GABRA4: variants seen among roughly 807,000 people sequenced by gnomAD.
GABRA4 encodes the protein gamma-aminobutyric acid receptor subunit alpha-4.
GABRA4 carries 12 observed loss-of-function variants against 49.7 expected under a neutral mutation model. The ratio of observed to expected loss-of-function variants is 0.24; its 90% confidence interval spans 0.15 to 0.39. GABRA4 has a LOEUF of 0.39. Ranked by LOEUF, GABRA4 falls within the 10% of genes least tolerant of loss-of-function variation. GABRA4 has a pLI of 1.00. For synonymous variants in GABRA4, 288 were observed against 240.2 expected (o/e 1.20, Z -1.84); for missense variants, 506 against 686.0 (o/e 0.74, Z 2.93).
Position 46,992,889 on chromosome 4 carries a change from G to A in GABRA4, c.144C>T (p.Phe48=), listed in dbSNP as rs1560487531. 6.2e-7 allele frequency: 1 copy of A among 1,610,542 alleles called. No individual in the cohort carries two copies. Among genetic ancestry groups the A allele is most frequent in the East Asian group, 2.2e-5 (1 of 44,572 alleles). ...QKEEKLCTEN[F]TRILDSLLDG... ...CGAGCAAACTGTCCAGGATGCGGGT[G>A]AAATTTTCTGTGCACAATTTCTCCT... is the stretch of plus-strand genomic sequence containing the variant. The change falls in exon 2 of 9, where the codon TTC becomes TTT. Residue 48 remains phenylalanine, a synonymous_variant. Coordinates refer to ENST00000264318, the MANE Select transcript of GABRA4 (RefSeq NM_000809.4).
At chr4:46,975,129 C>G (rs1292180629) in intron 5 of GABRA4, among the ~76,000 whole-genome samples, 6 of 151,994 alleles carry the variant, frequency 3.9e-5, no homozygotes, top group African/African-American at 1.4e-4. Context: ...CTACCCATAA[C>G]AGACAGCTTG....
chr4:46,973,855 A>G (rs994299690), intron 6 of GABRA4, among the ~76,000 whole-genome samples: 1 of 151,838 alleles, frequency 6.6e-6, no homozygotes. Context: ...ATTGGGCAAG[A>G]TAAAGGAAAA....
At chr4:46,956,285 T>C (rs926407337) in intron 8 of GABRA4, among the ~76,000 whole-genome samples, 4 of 152,084 alleles carry the variant, frequency 2.6e-5, no homozygotes, top group Non-Finnish European at 4.4e-5. Flanking sequence ...TACTGCCTCA[T>C]GTCCCTTTTC....
chr4:46,950,910 G>T (rs1577761616), intron 8 of GABRA4, among the ~76,000 whole-genome samples: 1 of 151,806 alleles, frequency 6.6e-6, no homozygotes, highest in African/African-American at 2.4e-5. Context: ...TAGAGCAGGC[G>T]AGTATTAGAT....
chr4:46,938,460 G>A (rs1057093539), intron 8 of GABRA4, among the ~76,000 whole-genome samples: 2 of 151,982 alleles, frequency 1.3e-5, no homozygotes, highest in Non-Finnish European at 2.9e-5. Context: ...TTATCAAGGT[G>A]GGATTTTCAG....
Position 46,976,873 on chromosome 4 carries a change from G to A in GABRA4, c.577+188C>T, listed in dbSNP as rs190389279. On this transcript the variant is annotated intron_variant, in intron 5 of 8. Transcript: ENST00000264318. ...TATAAATAGGTTTTTGTTTGTTGTG[G>A]GGAAAGGAGGTTGTTTTTATTTCTT... Among the ~76,000 whole-genome samples, 568 of 151,904 alleles carry A rather than the reference G, an allele frequency of 3.7e-3. 2 individuals are homozygous for A. The highest frequency in any genetic ancestry group is 0.013 in the African/African-American group (551 of 41,468).
In GABRA4 at chr4:46,971,597, C is replaced by T. The variant is rs149686461; in HGVS notation, c.722-362G>A. Among the ~76,000 whole-genome samples, 437 of 151,082 alleles carry T rather than the reference C, an allele frequency of 2.9e-3. 1 individual carries two copies. Among genetic ancestry groups the T allele is most frequent in the Non-Finnish European group, 4.0e-3 (268 of 67,492 alleles). ...TTTAGACCTATCTTCTATGAAAAAC[C>T]ACTAGAAAAAAATAGAAATGCACAC... On this transcript the variant is annotated intron_variant, in intron 6 of 8. Transcript: ENST00000264318.
At chr4:46,971,053 A>C in intron 7 of GABRA4, 30 bp downstream of exon 7, 1 of 1,593,302 alleles carries the variant, frequency 6.3e-7, no homozygotes. Context: ...TAATGTGAAC[A>C]AAAACGCCCA....
chr4:46,978,687 C>CAAAAAAAAAAAAAAAAAAA (rs71193889), intron 3 of GABRA4, among the ~76,000 whole-genome samples: 55 of 21,602 alleles, frequency 2.5e-3, no homozygotes, highest in African/African-American at 2.9e-3. Context: ...AACTTCATCT[C>CAAAAAAAAAAAAAAAAAAA]AAAAAAAAAA....
intron 4 of GABRA4, 85 bp downstream of exon 4, chr4:46,977,325 G>GGAGA (rs1723176235): frequency 1.3e-6 from 1 of 748,972 alleles, no homozygotes; most frequent in Non-Finnish European, 2.1e-6. Flanking sequence ...AGGAAGGGAG[G>GGAGA]GAGGAAGGAA....
At chr4:46,979,369 A>G (rs1358436568) in intron 2 of GABRA4, among the ~76,000 whole-genome samples, 2 of 152,078 alleles carry the variant, frequency 1.3e-5, no homozygotes, top group Non-Finnish European at 2.9e-5. Flanking sequence ...GGGTACTGTT[A>G]CAACAGGCAA....
chr4:46,919,025 T>C lies in GABRA4; in HGVS notation c.*9200A>G, dbSNP rs1396862686. On this transcript the variant is annotated 3_prime_UTR_variant, in exon 9 of 9. Transcript: ENST00000264318. ...ACACATTTATCTTAAAATATAAGTATCTGTGATTAAATTTTATAGAAATTT... is the reference window on the plus strand; with the variant it reads ...ACACATTTATCTTAAAATATAAGTACCTGTGATTAAATTTTATAGAAATTT... 6.6e-6 allele frequency: 1 copy of C among 151,670 alleles called. No individual in the cohort carries two copies. The highest frequency in any genetic ancestry group is 1.5e-5 in the Non-Finnish European group (1 of 67,634). 9.4% of individuals were successfully genotyped at this position (151,670 alleles called of 1,614,324 possible). A position where few individuals can be genotyped will look rare whatever the true frequency, so the allele number is the denominator to read the frequency against.
rs768906381 is a variant in GABRA4 at position 46,928,456 on chromosome 4, C to A, written c.1434G>T (p.Val478=). Residue 478 remains valine, a synonymous_variant, in exon 9 of 9, where the codon GTG becomes GTT. Transcript: ENST00000264318. ...ASVGSASTRH[V]FGSRLQRIKT... ...TTATCCTCTGCAGTCTTGATCCAAA[C>A]ACGTGACGAGTAGAAGCAGATCCAA... 2.5e-6 allele frequency: 4 copies of A among 1,613,568 alleles called. No homozygotes were observed. Among genetic ancestry groups the A allele is most frequent in the Non-Finnish European group, 3.4e-6 (4 of 1,179,736 alleles).
At chr4:46,946,353 T>C (rs2109353056) in intron 8 of GABRA4, among the ~76,000 whole-genome samples, 1 of 152,258 alleles carries the variant, frequency 6.6e-6, no homozygotes, top group Non-Finnish European at 1.5e-5. Context: ...ATATAGAGCG[T>C]GAGTCACTAT....
intron 2 of GABRA4, chr4:46,992,574 C>T: frequency 2.0e-6 from 1 of 494,534 alleles, no homozygotes; most frequent in Non-Finnish European, 3.6e-6. Context: ...CCAACCTCCC[C>T]CACCCAGCAG....
chr4:46,986,830 C>G (rs1723559417), intron 2 of GABRA4, among the ~76,000 whole-genome samples: 1 of 152,096 alleles, frequency 6.6e-6, no homozygotes, highest in Non-Finnish European at 1.5e-5. Flanking sequence ...ACTTTGGAAT[C>G]AGCTTTGACA....
At chr4:46,968,373 T>C (rs191581804) in intron 7 of GABRA4, among the ~76,000 whole-genome samples, 252 of 150,412 alleles carry the variant, frequency 1.7e-3, no homozygotes, top group African/African-American at 5.7e-3. Context: ...AAATTTCTAA[T>C]GAAAAAAAAA....
At chr4:46,956,816 A>G (rs535096541) in intron 8 of GABRA4, among the ~76,000 whole-genome samples, 1 of 152,192 alleles carries the variant, frequency 6.6e-6, no homozygotes, top group East Asian at 1.9e-4. Context: ...CTATTGTCAG[A>G]TTCCTATAGT....
At chr4:46,956,284 A>G (rs1453926422) in intron 8 of GABRA4, among the ~76,000 whole-genome samples, 1 of 152,100 alleles carries the variant, frequency 6.6e-6, no homozygotes. Context: ...GTACTGCCTC[A>G]TGTCCCTTTT....
Sources: gnomAD v4.1 joint callset for allele counts (sites outside exome capture counted in the v4.1 genomes callset) on GRCh38, gnomAD v4.1.1 for gene constraint, MANE v1.5 for transcripts, NCBI Gene and HGNC (gene_info 2026-07-23, HGNC 2026-07-21) for gene names.